Variants in GABRP observed in about 807,000 individuals in gnomAD.
The protein encoded by GABRP is gamma-aminobutyric acid receptor subunit pi.
Under a neutral mutation model 47.8 loss-of-function variants are expected in GABRP, and 52 were observed. The ratio of observed to expected loss-of-function variants is 1.09; its 90% CI spans 0.87 to 1.37. The LOEUF (loss-of-function observed/expected upper bound fraction) is 1.37, where lower values mean the gene tolerates loss of function less well. GABRP is among the 40% of genes most tolerant of loss of function. The pLI is 0.00. For missense variants in GABRP, 525 were observed against 542.8 expected, an observed-to-expected ratio of 0.97 and a Z score of 0.33; for synonymous variants, 221 against 205.8, an observed-to-expected ratio of 1.07 and a Z score of -0.63.
At chr5:170,788,697 C>T (rs1471079680) in intron 2 of GABRP, 29 bp downstream of exon 2, 1 of 1,609,956 alleles carries the variant, frequency 6.2e-7, no homozygotes, top group Admixed American at 1.7e-5. Context: ...AGAATGGCCT[C>T]CATCTGCGTT....
intron 3 of GABRP, among the ~76,000 whole-genome samples, chr5:170,791,701 A>C (rs886530012): frequency 6.6e-6 from 1 of 152,182 alleles, no homozygotes; most frequent in African/African-American, 2.4e-5. Flanking sequence ...CATTCTCTGC[A>C]TTCTTCAGGG....
At chr5:170,792,798 G>A (rs958168816) in intron 3 of GABRP, among the ~76,000 whole-genome samples, 4 of 152,292 alleles carry the variant, frequency 2.6e-5, no homozygotes, top group South Asian at 2.1e-4. Context: ...AGTTTGCCTT[G>A]CCGTATTCCT....
intron 8 of GABRP, among the ~76,000 whole-genome samples, chr5:170,808,977 C>T (rs901148512): frequency 6.6e-6 from 1 of 151,936 alleles, no homozygotes; most frequent in African/African-American, 2.4e-5. Context: ...ACTCTTGTTG[C>T]CCAGGTTGGA....
chr5:170,789,687 G>A (rs1030908801), intron 3 of GABRP, among the ~76,000 whole-genome samples: 8 of 151,994 alleles, frequency 5.3e-5, no homozygotes, highest in South Asian at 2.1e-4. Flanking sequence ...CAGCATGCTC[G>A]CGTAGAGTCC....
intron 5 of GABRP, among the ~76,000 whole-genome samples, chr5:170,796,054 A>T (rs1275588370): frequency 1.3e-5 from 2 of 152,210 alleles, no homozygotes; most frequent in African/African-American, 4.8e-5. Flanking sequence ...GCCGGGTTGG[A>T]TGGAACAGGA....
At chr5:170,788,816 T>A (rs3815762) in intron 2 of GABRP, 148 bp downstream of exon 2, 72,035 of 735,258 alleles carry the variant, frequency 0.098, 4,678 homozygotes, top group East Asian at 0.18. Flanking sequence ...TGAAACTTCC[T>A]GCCATTTACT....
At chr5:170,796,625 A>C (rs1407616279) in intron 5 of GABRP, among the ~76,000 whole-genome samples, 1 of 152,152 alleles carries the variant, frequency 6.6e-6, no homozygotes, top group Admixed American at 6.5e-5. Flanking sequence ...TTTCCTACCT[A>C]GTAGAACTGT....
chr5:170,799,997 A>ATTTTTTG (rs1374971592), intron 6 of GABRP, among the ~76,000 whole-genome samples: 1 of 152,208 alleles, frequency 6.6e-6, no homozygotes, highest in African/African-American at 2.4e-5. Flanking sequence ...ACTACTTTAA[A>ATTTTTTG]GTTCATATGG....
chr5:170,797,686 A>G (rs1765467103), intron 6 of GABRP, 138 bp downstream of exon 6: 2 of 632,158 alleles, frequency 3.2e-6, no homozygotes, highest in South Asian at 3.7e-5. Flanking sequence ...TTCTGACTGT[A>G]CTTCCAGACA....
chr5:170,812,356 G>A lies in GABRP; in HGVS notation c.*98G>A. 1.1e-6 allele frequency: 1 copy of A among 880,284 alleles called. No homozygotes were observed. Among genetic ancestry groups the A allele is most frequent in the Non-Finnish European group, 1.8e-6 (1 of 565,482 alleles). The allele number at this position is 880,284 out of a possible 1,614,324, so 54.5% of individuals were successfully genotyped here. ...CAAGTGTGCACCCACATCCAATGGT[G>A]CTACAAGTGACTGAAATAATATTTG... On this transcript the variant is annotated 3_prime_UTR_variant, in exon 10 of 10. Coordinates refer to ENST00000265294, the MANE Select transcript of GABRP (RefSeq NM_014211.3).
chr5:170,809,573 A>C lies in GABRP; in HGVS notation c.838A>C (p.Thr280Pro). Residue 280 changes from threonine to proline, a missense_variant, in exon 9 of 10, where the codon ACG (threonine) becomes CCG (proline). Coordinates refer to ENST00000265294, the MANE Select transcript of GABRP (RefSeq NM_014211.3). ...SVPARTCIGV[T>P]TVLSMTTLMI... ...TCCCCTGCCTGTTTTCCCAGGAGTGACGACCGTGTTATCAATGACCACACT... is the reference window on the plus strand; with the variant it reads ...TCCCCTGCCTGTTTTCCCAGGAGTGCCGACCGTGTTATCAATGACCACACT... 6.2e-7 allele frequency: 1 copy of C among 1,613,682 alleles called. No individual in the cohort carries two copies. Among genetic ancestry groups the C allele is most frequent in the Non-Finnish European group, 8.5e-7 (1 of 1,179,996 alleles).
intron 6 of GABRP, among the ~76,000 whole-genome samples, chr5:170,798,970 C>G (rs1581598580): frequency 6.7e-6 from 1 of 148,730 alleles, no homozygotes; most frequent in African/African-American, 2.5e-5. Context: ...CCTGTGTTCC[C>G]CTTCCTGTGT....
rs369574799 is a variant in GABRP, at chr5:170,795,300, C to T, written c.333C>T (p.Leu111=). ...GNKSFTLDAR[L]VEFLWVPDTY... is the part of the protein sequence containing the mutation. ...AGAGCTTCACTCTGGATGCCCGCCT[C>T]GTGGAGTTCCTCTGGGTGCCAGATA... is the stretch of plus-strand genomic sequence containing the variant. Residue 111 remains leucine (L), a synonymous_variant, in exon 5 of 10, where the codon CTC becomes CTT. Transcript: ENST00000265294. 15 of 1,613,852 alleles carry T rather than the reference C, an allele frequency of 9.3e-6. No homozygotes were observed. The highest frequency in any genetic ancestry group is 4.0e-5 in the African/African-American group (3 of 74,982).
At chr5:170,807,449 T>C (rs1765764464) in intron 7 of GABRP, among the ~76,000 whole-genome samples, 1 of 152,178 alleles carries the variant, frequency 6.6e-6, no homozygotes, top group Non-Finnish European at 1.5e-5. Context: ...CCACCCTCTT[T>C]AGGTACAAAA....
chr5:170,787,175 C>T (rs376583804), intron 1 of GABRP, among the ~76,000 whole-genome samples: 73 of 152,296 alleles, frequency 4.8e-4, no homozygotes, highest in South Asian at 2.7e-3. Context: ...TGACTTGTTG[C>T]CATTTCAACA....
At chr5:170,809,428 G>A (rs41303362) in intron 8 of GABRP, 140 bp from the exon 9 acceptor site, 13 of 762,490 alleles carry the variant, frequency 1.7e-5, no homozygotes, top group East Asian at 2.5e-5. Flanking sequence ...CTAGAAGGTC[G>A]CAGACTTTTC....
intron 1 of GABRP, chr5:170,788,091 C>CT (rs1412735460): frequency 2.0e-5 from 3 of 152,388 alleles, no homozygotes. Flanking sequence ...TGGCCCATGC[C>CT]TGTAATCCCA....
At chr5:170,785,175 G>A (rs531908120) in intron 1 of GABRP, among the ~76,000 whole-genome samples, 115 of 152,336 alleles carry the variant, frequency 7.5e-4, no homozygotes, top group African/African-American at 2.5e-3. Context: ...GGGATGTGCT[G>A]CGGATGCAAC....
rs919659980 is a variant in GABRP at position 170,786,830 on chromosome 5, A to G, written c.-42-1744A>G. ...TAAGTTAAAAAAGTAAGCCGCAAAA[A>G]GCATGCTATTGCCCCAATTTTGCTT... On this transcript the variant is annotated intron_variant, in intron 1 of 9. Transcript: ENST00000265294. 2.0e-5 allele frequency among the ~76,000 whole-genome samples: 3 copies of G among 152,218 alleles called. No individual in the cohort carries two copies. In the East Asian group the frequency reaches 5.8e-4, roughly 29 times the overall value.
Sources: gnomAD v4.1 joint callset for allele counts (sites outside exome capture counted in the v4.1 genomes callset) on GRCh38, gnomAD v4.1.1 for gene constraint, MANE v1.5 for transcripts, NCBI Gene and HGNC (gene_info 2026-07-23, HGNC 2026-07-21) for gene names.